DPP6: variants seen among roughly 807,000 people sequenced by gnomAD.
DPP6 encodes the protein A-type potassium channel modulatory protein DPP6.
Under a neutral mutation model 122.6 loss-of-function variants are expected in DPP6, and 69 were observed. The ratio of observed to expected loss-of-function variants is 0.56; its 90% CI spans 0.46 to 0.69. The LOEUF (loss-of-function observed/expected upper bound fraction) is 0.69, where lower values mean the gene tolerates loss of function less well. Ranked by LOEUF, DPP6 falls within the 30% of genes least tolerant of loss-of-function variation. The pLI, the probability that DPP6 is intolerant of heterozygous loss-of-function variation, is 0.00. For synonymous variants in DPP6, 418 were observed against 433.1 expected, an observed-to-expected ratio of 0.97 and a Z score of 0.43; for missense variants, 928 against 1,116.9, an observed-to-expected ratio of 0.83 and a Z score of 2.41.
intron 1 of DPP6, among the ~76,000 whole-genome samples, chr7:154,004,977 A>G (rs954222609): frequency 2.6e-5 from 4 of 152,168 alleles, no homozygotes; most frequent in Non-Finnish European, 4.4e-5. Context: ...ATGTCAAAAG[A>G]TGCCATTGCC....
chr7:154,444,075 T>G (rs1819642833), intron 1 of DPP6, among the ~76,000 whole-genome samples: 1 of 152,166 alleles, frequency 6.6e-6, no homozygotes, highest in African/African-American at 2.4e-5. Flanking sequence ...ACATATTAGC[T>G]TGCATTCTAA....
At chr7:154,841,127 T>G (rs1801495414) in intron 16 of DPP6, among the ~76,000 whole-genome samples, 1 of 152,166 alleles carries the variant, frequency 6.6e-6, no homozygotes, top group Admixed American at 6.5e-5. Flanking sequence ...CTGTGCTCAG[T>G]GCTATGACAA....
At chr7:154,637,745 T>C (rs1835816013) in intron 5 of DPP6, 76 bp from the exon 6 acceptor site, 1 of 1,455,754 alleles carries the variant, frequency 6.9e-7, no homozygotes, top group Non-Finnish European at 9.3e-7. Context: ...TTGTTAGGAT[T>C]CACAGTGATT....
chr7:154,172,722 T>A (rs1413241835), intron 1 of DPP6, among the ~76,000 whole-genome samples: 1 of 150,610 alleles, frequency 6.6e-6, no homozygotes, highest in Non-Finnish European at 1.5e-5. Flanking sequence ...CACTTCAGCC[T>A]CCCGAGTAGC....
At chr7:154,696,029 G>A (rs1383659987) in intron 7 of DPP6, among the ~76,000 whole-genome samples, 1 of 152,196 alleles carries the variant, frequency 6.6e-6, no homozygotes, top group Non-Finnish European at 1.5e-5. Flanking sequence ...TGGCAGCACG[G>A]GCCTTGAAAT....
chr7:153,909,995 C>T (rs188301511), intron 1 of DPP6, among the ~76,000 whole-genome samples: 1 of 152,146 alleles, frequency 6.6e-6, no homozygotes, highest in Non-Finnish European at 1.5e-5. Context: ...TTGCCTACAT[C>T]CACCCTCTCT....
At chr7:154,788,909 T>C (rs1797503741) in intron 10 of DPP6, among the ~76,000 whole-genome samples, 1 of 152,222 alleles carries the variant, frequency 6.6e-6, no homozygotes, top group Admixed American at 6.5e-5. Context: ...TCAATTTTCC[T>C]GACCCAAATT....
At chr7:154,310,025 G>C (rs895342327) in intron 1 of DPP6, among the ~76,000 whole-genome samples, 6 of 152,190 alleles carry the variant, frequency 3.9e-5, no homozygotes, top group African/African-American at 1.4e-4. Flanking sequence ...GGGACTCATG[G>C]ACTTCCAGAG....
At chr7:154,397,152 T>C (rs1815161531) in intron 1 of DPP6, among the ~76,000 whole-genome samples, 1 of 150,038 alleles carries the variant, frequency 6.7e-6, no homozygotes, top group Non-Finnish European at 1.5e-5. Flanking sequence ...ATAAATTAGA[T>C]TTATAAGATA....
At chr7:154,616,288 G>A (rs1303878311) in intron 5 of DPP6, among the ~76,000 whole-genome samples, 1 of 152,118 alleles carries the variant, frequency 6.6e-6, no homozygotes, top group East Asian at 1.9e-4. Context: ...TAATTCAACA[G>A]GTCTTGGGTA....
At chr7:154,322,692 C>T (rs546719465) in intron 1 of DPP6, among the ~76,000 whole-genome samples, 197 of 152,234 alleles carry the variant, frequency 1.3e-3, no homozygotes, top group African/African-American at 4.5e-3. Context: ...TCTCTTAATT[C>T]CAGGTGTACT....
At chr7:154,475,085 C>T in intron 3 of DPP6, 48 bp downstream of exon 3, 2 of 1,405,000 alleles carry the variant, frequency 1.4e-6, no homozygotes, top group East Asian at 2.3e-5. Flanking sequence ...CCATGCCTCA[C>T]CCCCACTTTC....
At chr7:154,872,825 A>C in intron 19 of DPP6, 132 bp downstream of exon 19, 4 of 1,477,634 alleles carry the variant, frequency 2.7e-6, no homozygotes, top group Non-Finnish European at 3.7e-6. Context: ...AAAACATAAC[A>C]TCGTTTAGCC....
intron 3 of DPP6, among the ~76,000 whole-genome samples, chr7:154,484,533 A>C (rs1443095385): frequency 6.6e-6 from 1 of 152,220 alleles, no homozygotes; most frequent in East Asian, 1.9e-4. Flanking sequence ...GCTGATTGAC[A>C]GAAGCTGCTC....
chr7:154,372,166 C>G (rs909745313), intron 1 of DPP6, among the ~76,000 whole-genome samples: 1 of 152,048 alleles, frequency 6.6e-6, no homozygotes, highest in Non-Finnish European at 1.5e-5. Flanking sequence ...TTCATGTTGT[C>G]GGATCACATT....
intron 1 of DPP6, among the ~76,000 whole-genome samples, chr7:154,397,473 C>G (rs1300563042): frequency 6.6e-6 from 1 of 152,022 alleles, no homozygotes; most frequent in Non-Finnish European, 1.5e-5. Flanking sequence ...ATGTATTTCC[C>G]CAAATGCAAT....
At chr7:153,762,499 G>A in the DPP6 span, among the ~76,000 whole-genome samples, 2,067 of 152,188 alleles carry the variant, frequency 0.014, 17 homozygotes, top group Middle Eastern at 0.024. Flanking sequence ...CGCCTGGCGC[G>A]GTGGCTCACG....
chr7:154,869,214 C>G (rs1030862530), intron 18 of DPP6, among the ~76,000 whole-genome samples: 3 of 152,278 alleles, frequency 2.0e-5, no homozygotes, highest in Admixed American at 6.5e-5. Context: ...TGACACGAGA[C>G]AGCAGCGTGT....
chr7:154,349,680 A>G (rs10488311), intron 1 of DPP6, among the ~76,000 whole-genome samples: 17,683 of 152,218 alleles, frequency 0.12, 1,229 homozygotes, highest in South Asian at 0.19. Context: ...TAAACTTGTA[A>G]TATGTTCGCC....
Sources: gnomAD v4.1 joint callset for allele counts (sites outside exome capture counted in the v4.1 genomes callset) on GRCh38, gnomAD v4.1.1 for gene constraint, MANE v1.5 for transcripts, NCBI Gene and HGNC (gene_info 2026-07-23, HGNC 2026-07-21) for gene names.